The following GPR158 variants were observed in gnomAD, a reference collection of about 807,000 sequenced individuals.
The protein encoded by GPR158 is metabotropic glycine receptor.
Under a neutral mutation model 78.2 loss-of-function variants are expected in GPR158, and 30 were observed. The ratio of observed to expected loss-of-function variants is 0.38; its 90% CI spans 0.29 to 0.52. The LOEUF (loss-of-function observed/expected upper bound fraction) is 0.52. Ranked by LOEUF, GPR158 falls within the 20% of genes least tolerant of loss-of-function variation. GPR158 has a pLI of 0.83. For synonymous variants in GPR158, 581 were observed against 591.1 expected, an observed-to-expected ratio of 0.98 and a Z score of 0.25; for missense variants, 1,463 against 1,523.5, an observed-to-expected ratio of 0.96 and a Z score of 0.66.
chr10:25,562,382 A>G (rs917272193), intron 6 of GPR158, among the ~76,000 whole-genome samples: 1 of 152,176 alleles, frequency 6.6e-6, no homozygotes, highest in African/African-American at 2.4e-5. Flanking sequence ...TCCTTAAAGT[A>G]AAAGATAAGG....
At chr10:25,514,690 A>G (rs912334833) in intron 5 of GPR158, among the ~76,000 whole-genome samples, 1 of 152,152 alleles carries the variant, frequency 6.6e-6, no homozygotes, top group African/African-American at 2.4e-5. Flanking sequence ...TCCTTTTAGC[A>G]GTTCTTGTAG....
intron 6 of GPR158, among the ~76,000 whole-genome samples, chr10:25,570,057 G>A (rs1836984133): frequency 6.6e-6 from 1 of 152,168 alleles, no homozygotes; most frequent in Non-Finnish European, 1.5e-5. Context: ...GGAGAATGTA[G>A]TCATTCAAAA....
intron 1 of GPR158, among the ~76,000 whole-genome samples, chr10:25,200,598 T>C (rs908888257): frequency 2.0e-5 from 3 of 152,166 alleles, no homozygotes; most frequent in African/African-American, 7.2e-5. Context: ...CAGAATGATA[T>C]TTCCTGGGTC....
chr10:25,294,622 T>TG (rs1393816353), intron 2 of GPR158, among the ~76,000 whole-genome samples: 3 of 106,604 alleles, frequency 2.8e-5, no homozygotes, highest in Non-Finnish European at 7.4e-5. Flanking sequence ...AAGAGGAATG[T>TG]GGAAAAAAAA....
intron 2 of GPR158, among the ~76,000 whole-genome samples, chr10:25,285,219 A>G (rs188974569): frequency 6.6e-6 from 1 of 152,122 alleles, no homozygotes. Flanking sequence ...AATCAATGAG[A>G]TATAGATACA....
intron 5 of GPR158, among the ~76,000 whole-genome samples, chr10:25,467,488 A>G (rs182028432): frequency 5.3e-5 from 8 of 152,286 alleles, no homozygotes; most frequent in Admixed American, 2.6e-4. Flanking sequence ...GCACAGAAAC[A>G]TGTTCTAGGG....
rs1194868094 is a variant in GPR158 at position 25,536,233 on chromosome 10, TTAA to T, written c.1405-14741_1405-14739del. Among the ~76,000 whole-genome samples, 3 of 152,272 alleles carry T rather than the reference TTAA, an allele frequency of 2.0e-5. 1 individual carries two copies. The highest frequency in any genetic ancestry group is 3.9e-4 in the East Asian group (2 of 5,194). On this transcript the variant is annotated intron_variant, in intron 5 of 10. Transcript: ENST00000376351. ...ATTTAATTCTTTAATATTAAAGATATTAATTTCTTTATTAAAGAAAATTCATTT... is the reference window on the plus strand; with the variant it reads ...ATTTAATTCTTTAATATTAAAGATATTTTCTTTATTAAAGAAAATTCATTT...
intron 2 of GPR158, among the ~76,000 whole-genome samples, chr10:25,288,535 A>T (rs1854385476): frequency 6.6e-6 from 1 of 152,208 alleles, no homozygotes; most frequent in Non-Finnish European, 1.5e-5. Flanking sequence ...TTTTTAAAAA[A>T]TTTCTTATTT....
chr10:25,507,763 G>C (rs893229036), intron 5 of GPR158, among the ~76,000 whole-genome samples: 2 of 152,138 alleles, frequency 1.3e-5, no homozygotes, highest in African/African-American at 4.8e-5. Flanking sequence ...TGGCAAAGGG[G>C]AAAAGGAAAA....
At position 25,175,737 on chromosome 10, in the gene GPR158, C is replaced by A. The variant is rs750436450; in HGVS notation, c.317C>A (p.Ala106Glu). 1 of 1,611,268 alleles carries A rather than the reference C, an allele frequency of 6.2e-7. No homozygotes were observed. The change falls in exon 1 of 11, where the codon GCG (alanine) becomes GAG (glutamate). Residue 106 changes from alanine to glutamate, a missense_variant. By Grantham distance (107) the Ala-to-Glu change is moderately radical. Coordinates refer to ENST00000376351, the MANE Select transcript of GPR158 (RefSeq NM_020752.3). This position sits in a 1 kb window ranked among gnomAD's most constrained non-coding sequence, Gnocchi z 6.4. ...RANCSGRYEL[A>E]GLPGKWPALA... ...AACTGCTCCGGCCGCTACGAGTTGG[C>A]GGGCCTGCCGGGGAAGTGGCCAGCC...
chr10:25,426,074 G>T (rs1834816539), intron 4 of GPR158, among the ~76,000 whole-genome samples: 1 of 152,090 alleles, frequency 6.6e-6, no homozygotes, highest in African/African-American at 2.4e-5. Flanking sequence ...TTTTCTAGTT[G>T]TATGACGCTA....
intron 5 of GPR158, among the ~76,000 whole-genome samples, chr10:25,488,238 A>G (rs1353361347): frequency 5.3e-5 from 8 of 152,228 alleles, no homozygotes; most frequent in African/African-American, 1.9e-4. Flanking sequence ...TGGGGAAGGA[A>G]TATTACACTT....
intron 2 of GPR158, among the ~76,000 whole-genome samples, chr10:25,327,251 A>AACAC (rs141069877): frequency 5.4e-4 from 80 of 149,168 alleles, no homozygotes; most frequent in Admixed American, 1.3e-3. Flanking sequence ...GACACTTACA[A>AACAC]ACACACACAC....
At chr10:25,369,252 C>G (rs1460827694) in intron 2 of GPR158, among the ~76,000 whole-genome samples, 3 of 150,108 alleles carry the variant, frequency 2.0e-5, no homozygotes, top group South Asian at 2.1e-4. Flanking sequence ...TGCCAGTTTT[C>G]AAAGGGAATG....
At chr10:25,271,808 T>G (rs1365981758) in intron 2 of GPR158, among the ~76,000 whole-genome samples, 1 of 151,864 alleles carries the variant, frequency 6.6e-6, no homozygotes, top group Non-Finnish European at 1.5e-5. Flanking sequence ...TTGGCTAATT[T>G]TTTTTTTCTT....
At chr10:25,365,723 A>G (rs1855711587) in intron 2 of GPR158, among the ~76,000 whole-genome samples, 1 of 151,660 alleles carries the variant, frequency 6.6e-6, no homozygotes. Flanking sequence ...GAGGGATAGT[A>G]TGGCTTAGTG....
chr10:25,255,447 G>A (rs1482088395), intron 2 of GPR158, among the ~76,000 whole-genome samples: 1 of 152,218 alleles, frequency 6.6e-6, no homozygotes, highest in Admixed American at 6.5e-5. Context: ...TGACCTGACT[G>A]TGTCCTCTGC....
At position 25,598,584 on chromosome 10, in the gene GPR158, C is replaced by A. The variant is rs769142622; in HGVS notation, c.2958C>A (p.Ala986=). ...AACAAAGGGTCAACCCCACCACTGCCAATTCTGACCTGAACCCAGGCACCA... is the reference window on the plus strand; with the variant it reads ...AACAAAGGGTCAACCCCACCACTGCAAATTCTGACCTGAACCCAGGCACCA... ...MKQQRVNPTT[A]NSDLNPGTTQ... The change falls in exon 11 of 11, where the codon GCC becomes GCA. Residue 986 remains alanine, a synonymous_variant. Coordinates refer to ENST00000376351, the MANE Select transcript of GPR158 (RefSeq NM_020752.3). 3.7e-6 allele frequency: 6 copies of A among 1,613,822 alleles called. No homozygotes were observed. The African/African-American group carries it at 8.0e-5, about 22-fold the overall frequency.
chr10:25,390,599 G>T (rs1046942251), intron 2 of GPR158, among the ~76,000 whole-genome samples: 2 of 152,202 alleles, frequency 1.3e-5, no homozygotes, highest in Non-Finnish European at 2.9e-5. Flanking sequence ...ATCAAGAGAT[G>T]ACTTGGGTGC....
Sources: gnomAD v4.1 joint callset for allele counts (sites outside exome capture counted in the v4.1 genomes callset) on GRCh38, gnomAD v4.1.1 for gene constraint, Gnocchi (gnomAD v3.1) non-coding constraint, MANE v1.5 for transcripts, NCBI Gene and HGNC (gene_info 2026-07-23, HGNC 2026-07-21) for gene names.